FNBP1L: variants seen among roughly 807,000 people sequenced by gnomAD.
The protein encoded by FNBP1L is formin binding protein 1 like, also known as formin-binding protein 1-like.
Under a neutral mutation model 91.2 loss-of-function variants are expected in FNBP1L, and 36 were observed. The observed-to-expected ratio is 0.39, with a 90% CI of 0.30 to 0.52. The LOEUF is 0.52. FNBP1L is among the 20% of genes least tolerant of loss of function. FNBP1L has a pLI of 0.66. For synonymous variants in FNBP1L, 242 were observed against 237.0 expected (o/e 1.02, Z -0.19); for missense variants, 571 against 732.1 (o/e 0.78, Z 2.54).
Position 93,536,490 on chromosome 1 carries a change from G to C in FNBP1L, c.1149G>C (p.Gly383=). The C allele has an allele frequency of 6.5e-7, 1 of 1,546,748 alleles. No individual in the cohort carries two copies. The highest frequency in any genetic ancestry group is 8.7e-7 in the Non-Finnish European group (1 of 1,144,652). ...RIPSFRSLKR[G]WSVKMGPALE... ...CTTCTTTCAGAAGCCTCAAAAGAGG[G>C]GTAAGTTTAATAATGGGTTAAAATG... The change falls in exon 10 of 17, where the codon GGG becomes GGC. Residue 383 remains glycine, a splice_region_variant and synonymous_variant. Coordinates refer to ENST00000271234, the MANE Select transcript of FNBP1L (RefSeq NM_001164473.3).
chr1:93,532,534 A>G (rs544917949), intron 7 of FNBP1L, among the ~76,000 whole-genome samples: 1 of 151,776 alleles, frequency 6.6e-6, no homozygotes, highest in East Asian at 1.9e-4. Context: ...TTAAAAAAAA[A>G]AAAAAGCACC....
At chr1:93,511,983 A>C (rs2101738204) in intron 2 of FNBP1L, among the ~76,000 whole-genome samples, 1 of 151,046 alleles carries the variant, frequency 6.6e-6, no homozygotes, top group South Asian at 2.1e-4. Flanking sequence ...AAAAAAAAAA[A>C]AAAAAGAGTC....
At chr1:93,475,187 T>C (rs1669447908) in intron 1 of FNBP1L, among the ~76,000 whole-genome samples, 1 of 152,014 alleles carries the variant, frequency 6.6e-6, no homozygotes, top group Non-Finnish European at 1.5e-5. Flanking sequence ...AGAAGTAAAA[T>C]ATACTCCTAA....
At chr1:93,455,295 C>T (rs1448998562) in intron 1 of FNBP1L, among the ~76,000 whole-genome samples, 1 of 152,200 alleles carries the variant, frequency 6.6e-6, no homozygotes, top group African/African-American at 2.4e-5. Context: ...TGGGCTCAAG[C>T]GATCCTCCTG....
chr1:93,499,676 A>G (rs1228358636), intron 2 of FNBP1L, 93 bp downstream of exon 2: 24 of 740,780 alleles, frequency 3.2e-5, no homozygotes, highest in Admixed American at 2.2e-4. Flanking sequence ...GTTAAATTCT[A>G]TGTTTTTCAT....
intron 10 of FNBP1L, among the ~76,000 whole-genome samples, chr1:93,538,911 T>G (rs1344373095): frequency 6.6e-6 from 1 of 152,040 alleles, no homozygotes. Context: ...CAGTATAAAT[T>G]AAGGATATGA....
At position 93,552,528 on chromosome 1, in the gene FNBP1L, T is replaced by C; in HGVS notation, c.*112T>C. 3 of 1,191,580 alleles carry C rather than the reference T, an allele frequency of 2.5e-6. No individual in the cohort carries two copies. Among genetic ancestry groups the C allele is most frequent in the Non-Finnish European group, 3.6e-6 (3 of 842,792 alleles). The allele number at this position is 1,191,580 out of a possible 1,614,324, so 73.8% of individuals were successfully genotyped here. A position where few individuals can be genotyped will look rare whatever the true frequency, so the allele number is the denominator to read the frequency against. ...AAGAGAGTGAGAGAAGCAAGTTGCATGAGTGCATGCAGACATGATTTTTTT... is the reference window on the plus strand; with the variant it reads ...AAGAGAGTGAGAGAAGCAAGTTGCACGAGTGCATGCAGACATGATTTTTTT... On this transcript the variant is annotated 3_prime_UTR_variant, in exon 17 of 17. Transcript: ENST00000271234.
At chr1:93,449,976 T>G (rs1456066463) in intron 1 of FNBP1L, among the ~76,000 whole-genome samples, 1 of 152,162 alleles carries the variant, frequency 6.6e-6, no homozygotes, top group African/African-American at 2.4e-5. Context: ...TTTTGCCTAC[T>G]TAAATGACTT....
At chr1:93,516,026 A>T (rs1313476441) in intron 2 of FNBP1L, among the ~76,000 whole-genome samples, 1 of 152,172 alleles carries the variant, frequency 6.6e-6, no homozygotes, top group African/African-American at 2.4e-5. Context: ...ATCATCAGTT[A>T]TTGTTAAATC....
chr1:93,506,896 G>T (rs1670635673), intron 2 of FNBP1L, among the ~76,000 whole-genome samples: 1 of 151,898 alleles, frequency 6.6e-6, no homozygotes, highest in Admixed American at 6.6e-5. Context: ...ATTAAAAAGG[G>T]TGATATATTT....
chr1:93,457,554 A>T (rs1344484199), intron 1 of FNBP1L, among the ~76,000 whole-genome samples: 1 of 152,096 alleles, frequency 6.6e-6, no homozygotes. Context: ...CAAGATTGGC[A>T]AACATCCTCA....
Position 93,530,802 on chromosome 1 carries a change from A to G in FNBP1L, c.558A>G (p.Lys186=). 6.3e-7 allele frequency: 1 copy of G among 1,583,198 alleles called. No homozygotes were observed. Among genetic ancestry groups the G allele is most frequent in the Non-Finnish European group, 8.6e-7 (1 of 1,162,768 alleles). Residue 186 remains lysine (K), a synonymous_variant, in exon 7 of 17, where the codon AAA becomes AAG. Coordinates refer to ENST00000271234, the MANE Select transcript of FNBP1L (RefSeq NM_001164473.3). ...NLRTHMADEN[K]NEYAAQLQNF... The stretch of plus-strand genomic sequence containing the variant: ...GTACGCATATGGCCGATGAAAATAA[A>G]AATGAATATGCTGCACAATTACAAA...
At chr1:93,479,321 CA>C (rs749325584) in intron 1 of FNBP1L, among the ~76,000 whole-genome samples, 4 of 152,124 alleles carry the variant, frequency 2.6e-5, no homozygotes, top group Non-Finnish European at 4.4e-5. Flanking sequence ...AGGGCAAGGA[CA>C]AAAGCAAAGA....
intron 2 of FNBP1L, among the ~76,000 whole-genome samples, chr1:93,512,500 A>T (rs1258618278): frequency 4.6e-5 from 7 of 152,100 alleles, no homozygotes; most frequent in Non-Finnish European, 4.4e-5. Context: ...CACCTATTCC[A>T]AAATTGACCA....
intron 1 of FNBP1L, among the ~76,000 whole-genome samples, chr1:93,476,117 T>C (rs1669485592): frequency 6.6e-6 from 1 of 152,246 alleles, no homozygotes; most frequent in South Asian, 2.1e-4. Flanking sequence ...GGTATGTTAG[T>C]GCATTAAAAC....
chr1:93,534,985 T>TAC (rs1671798153), intron 9 of FNBP1L, 77 bp downstream of exon 9: 2 of 1,131,856 alleles, frequency 1.8e-6, no homozygotes, highest in Non-Finnish European at 2.5e-6. Context: ...GAATGCAAAA[T>TAC]GATTTACCAT....
At chr1:93,534,959 A>C in intron 9 of FNBP1L, 51 bp downstream of exon 9, 4 of 1,426,296 alleles carry the variant, frequency 2.8e-6, no homozygotes, top group Non-Finnish European at 3.8e-6. Context: ...GTACCAACTA[A>C]AACAATGTGG....
chr1:93,546,753 G>T, intron 12 of FNBP1L, 89 bp from the exon 13 acceptor site: 1 of 1,381,106 alleles, frequency 7.2e-7, no homozygotes, highest in Non-Finnish European at 1.0e-6. Context: ...AGATTAAGCT[G>T]CGTACGAGTC....
chr1:93,473,117 G>C (rs764719703), intron 1 of FNBP1L, among the ~76,000 whole-genome samples: 3 of 151,888 alleles, frequency 2.0e-5, no homozygotes, highest in African/African-American at 7.3e-5. Flanking sequence ...TCTTAGATTT[G>C]TCTATTTCTT....
Sources: gnomAD v4.1 joint callset for allele counts (sites outside exome capture counted in the v4.1 genomes callset) on GRCh38, gnomAD v4.1.1 for gene constraint, MANE v1.5 for transcripts, NCBI Gene and HGNC (gene_info 2026-07-23, HGNC 2026-07-21) for gene names.